SLC25A27: variants seen among roughly 807,000 people sequenced by gnomAD.
SLC25A27 encodes mitochondrial uncoupling protein 4.
Under a neutral mutation model 49.1 loss-of-function variants are expected in SLC25A27, and 35 were observed. The ratio of observed to expected loss-of-function variants is 0.71; its 90% CI spans 0.54 to 0.95. SLC25A27 has a LOEUF of 0.95. SLC25A27 is among the 40% of genes least tolerant of loss of function. The pLI is 0.00. For missense variants in SLC25A27, 339 were observed against 397.1 expected, an observed-to-expected ratio of 0.85 and a Z score of 1.24; for synonymous variants, 144 against 136.9, an observed-to-expected ratio of 1.05 and a Z score of -0.36.
intron 3 of SLC25A27, among the ~76,000 whole-genome samples, chr6:46,660,230 C>CTGTGTGTGTGTGTGTGTG (rs140354056): frequency 0.24 from 34,830 of 147,134 alleles, 4,343 homozygotes; most frequent in South Asian, 0.51. Flanking sequence ...ACCTCTGTGT[C>CTGTGTGTGTGTGTGTGTG]TGTGTGTGTG....
chr6:46,672,068 T>C (rs995682873), intron 8 of SLC25A27, among the ~76,000 whole-genome samples: 2 of 152,162 alleles, frequency 1.3e-5, no homozygotes, highest in African/African-American at 2.4e-5. Context: ...ATAAATGTTA[T>C]GGGAAGAGTG....
chr6:46,664,866 C>T lies in SLC25A27; in HGVS notation c.599C>T (p.Ala200Val). ...GGCTGGGTACCCAATATACAAAGAG[C>T]AGCACTGGTGAATATGGGAGGTAAT... ...WAGWVPNIQR[A>V]ALVNMGDLTT... The change falls in exon 5 of 9, where the codon GCA becomes GTA. Residue 200 changes from alanine (A) to valine (V), a missense_variant. Ala to Val is a moderately conservative substitution (Grantham distance 64). Transcript: ENST00000371347. The T allele has an allele frequency of 6.3e-7, 1 of 1,590,322 alleles. No homozygotes were observed. The highest frequency in any genetic ancestry group is 1.1e-5 in the South Asian group (1 of 87,280).
At chr6:46,664,647 A>T (rs1284168704) in intron 4 of SLC25A27, 127 bp from the exon 5 acceptor site, 2 of 484,510 alleles carry the variant, frequency 4.1e-6, no homozygotes, top group Admixed American at 7.8e-5. Flanking sequence ...ATTTCTAATA[A>T]TTCTGGATAA....
chr6:46,662,483 A>G lies in SLC25A27; in HGVS notation c.491A>G (p.Glu164Gly). Residue 164 changes from glutamate to glycine, a missense_variant, in exon 4 of 9, where the codon GAA (glutamate) becomes GGA (glycine). Glu to Gly is a moderately conservative substitution (Grantham distance 98). Transcript: ENST00000371347. ...CAAATGGAAGGAAAAAGGAAACTGG[A>G]AGGAAAACCATTGCGGTAAGTTCTC... Reference protein sequence around the residue: ...QMQMEGKRKLEGKPLRFRGVH... With the variant: ...QMQMEGKRKLGGKPLRFRGVH... 6.2e-7 allele frequency: 1 copy of G among 1,613,830 alleles called. No homozygotes were observed. Among genetic ancestry groups the G allele is most frequent in the Admixed American group, 1.7e-5 (1 of 59,958 alleles).
rs1028471884 is a variant in SLC25A27, at chr6:46,678,010, T to C, written c.*1556T>C. The C allele has an allele frequency of 3.7e-5, 5 of 133,374 alleles. No individual in the cohort carries two copies. The highest frequency in any genetic ancestry group is 5.6e-5 in the African/African-American group (2 of 35,932). 8.3% of individuals were successfully genotyped at this position (133,374 alleles called of 1,614,324 possible). A position where few individuals can be genotyped will look rare whatever the true frequency, so the allele number is the denominator to read the frequency against. On this transcript the variant is annotated 3_prime_UTR_variant, in exon 9 of 9. Coordinates refer to ENST00000371347, the MANE Select transcript of SLC25A27 (RefSeq NM_004277.5). ...TACTTTTTCATTGAATTTGTCAATA[T>C]GTAATTGCGTTGTAAAATATTATAT...
Position 46,670,458 on chromosome 6 carries a change from CTT to C in SLC25A27, c.797+233_797+234del, listed in dbSNP as rs199873839. ...TTTAGACACAAGATTTTTATTATGA[CTT>C]TATTGTTTTTAAAGAATTGTTAAAA... On this transcript the variant is annotated intron_variant, in intron 7 of 8. Coordinates refer to ENST00000371347, the MANE Select transcript of SLC25A27 (RefSeq NM_004277.5). The C allele has an allele frequency of 1.8e-3, 827 of 449,842 alleles. 7 individuals carry two copies. Among genetic ancestry groups the C allele is most frequent in the African/African-American group, 0.015 (748 of 48,328 alleles). 27.9% of individuals were successfully genotyped at this position (449,842 alleles called of 1,614,324 possible).
chr6:46,660,604 G>T (rs920044234), intron 3 of SLC25A27, among the ~76,000 whole-genome samples: 10 of 152,098 alleles, frequency 6.6e-5, no homozygotes, highest in Non-Finnish European at 1.3e-4. Context: ...AAGCAGTTAA[G>T]TAGGTTATGA....
Position 46,671,108 on chromosome 6 carries a change from A to C in SLC25A27, c.798-18A>C. 1 of 1,491,802 alleles carries C rather than the reference A, an allele frequency of 6.7e-7. No homozygotes were observed. The highest frequency in any genetic ancestry group is 9.2e-7 in the Non-Finnish European group (1 of 1,087,392). 92.4% of individuals were successfully genotyped at this position (1,491,802 alleles called of 1,614,324 possible). ...TTTTACACAGAAAAAAATTAAAAGGATCTTGTTTCCTTTTTAGGGGACTTT... is the reference window on the plus strand; with the variant it reads ...TTTTACACAGAAAAAAATTAAAAGGCTCTTGTTTCCTTTTTAGGGGACTTT... On this transcript the variant is annotated intron_variant, in intron 7 of 8. Coordinates refer to ENST00000371347, the MANE Select transcript of SLC25A27 (RefSeq NM_004277.5).
At chr6:46,661,239 T>G (rs943141421) in intron 3 of SLC25A27, among the ~76,000 whole-genome samples, 1 of 152,082 alleles carries the variant, frequency 6.6e-6, no homozygotes, top group African/African-American at 2.4e-5. Flanking sequence ...AGAAAAAATA[T>G]GATAATGTAT....
chr6:46,668,156 G>C (rs748113020), intron 5 of SLC25A27, among the ~76,000 whole-genome samples: 1 of 152,118 alleles, frequency 6.6e-6, no homozygotes, highest in African/African-American at 2.4e-5. Flanking sequence ...ACCAGCCTGG[G>C]TAATATAGTA....
In SLC25A27 at chr6:46,671,586, CA is replaced by C. The variant is rs566899122; in HGVS notation, c.900+367del. 3.5e-4 allele frequency among the ~76,000 whole-genome samples: 53 copies of C among 150,202 alleles called. No homozygotes were observed. The South Asian group carries it at 7.7e-3, about 22-fold the overall frequency. ...GATTTTACACTAGAGACCTCTCCTA[CA>C]AAAAAAAATACTGTTTCAAAAAAAT... On this transcript the variant is annotated intron_variant, in intron 8 of 8. Transcript: ENST00000371347.
chr6:46,653,600 C>A, intron 1 of SLC25A27: 1 of 985,428 alleles, frequency 1.0e-6, no homozygotes, highest in Non-Finnish European at 1.2e-6. Flanking sequence ...TTTTCCTTTT[C>A]ATGAGGATGA....
intron 6 of SLC25A27, 34 bp from the exon 7 acceptor site, chr6:46,670,101 A>G: frequency 7.1e-7 from 1 of 1,406,474 alleles, no homozygotes. Flanking sequence ...ACTACTACAT[A>G]CCATCTTTCA....
intron 5 of SLC25A27, among the ~76,000 whole-genome samples, chr6:46,668,076 G>A (rs1360484675): frequency 1.3e-5 from 2 of 152,130 alleles, no homozygotes; most frequent in African/African-American, 4.8e-5. Context: ...CAGGCGCGGC[G>A]GCTCATGCCT....
chr6:46,653,157 GAGA>G lies in SLC25A27; in HGVS notation c.-33_-31del, dbSNP rs532709618. 50 of 1,582,660 alleles carry G rather than the reference GAGA, an allele frequency of 3.2e-5. No homozygotes were observed. The highest frequency in any genetic ancestry group is 2.5e-4 in the East Asian group (11 of 44,490). On this transcript the variant is annotated 5_prime_UTR_variant, in exon 1 of 9. Coordinates refer to ENST00000371347, the MANE Select transcript of SLC25A27 (RefSeq NM_004277.5). ...CCGCGGCGCGGTGCAGCGCAGCGGC[GAGA>G]AGGAGTGCGTTATCGTCTTGCGCTA...
rs1172357267 is a variant in SLC25A27 at position 46,668,869 on chromosome 6, A to G, written c.704+76A>G. 5 of 853,572 alleles carry G rather than the reference A, an allele frequency of 5.9e-6. No homozygotes were observed. The Admixed American group carries it at 9.5e-5, about 16-fold the overall frequency. The allele number at this position is 853,572 out of a possible 1,614,324, so 52.9% of individuals were successfully genotyped here. A position where few individuals can be genotyped will look rare whatever the true frequency, so the allele number is the denominator to read the frequency against. ...CTTCCATATTTGACATAAATTCTTT[A>G]GGCTCATTTGATTGGGATTGTACTG... is the stretch of plus-strand genomic sequence containing the variant. On this transcript the variant is annotated intron_variant, in intron 6 of 8. Transcript: ENST00000371347.
At chr6:46,660,856 CT>C (rs1417860906) in intron 3 of SLC25A27, among the ~76,000 whole-genome samples, 1 of 152,120 alleles carries the variant, frequency 6.6e-6, no homozygotes, top group African/African-American at 2.4e-5. Flanking sequence ...ATTTATAGTC[CT>C]TGCGTTTTGG....
intron 7 of SLC25A27, 150 bp downstream of exon 7, chr6:46,670,377 C>T (rs1016786896): frequency 1.7e-5 from 10 of 585,850 alleles, no homozygotes; most frequent in Non-Finnish European, 2.7e-5. Context: ...ATTACCTGCT[C>T]TTTGATGAAA....
Position 46,653,114 on chromosome 6 carries a change from C to T in SLC25A27, c.-79C>T. 2 of 1,386,068 alleles carry T rather than the reference C, an allele frequency of 1.4e-6. No homozygotes were observed. The highest frequency in any genetic ancestry group is 2.0e-6 in the Non-Finnish European group (2 of 990,294). 85.9% of individuals were successfully genotyped at this position (1,386,068 alleles called of 1,614,324 possible). ...ACTCGCCGGTTGAAAAGGGGCCGCC[C>T]TGGCAGGGAAGCGGCCGCCGCGGCG... On this transcript the variant is annotated 5_prime_UTR_variant, in exon 1 of 9. Transcript: ENST00000371347.
Sources: allele counts gnomAD v4.1 joint callset (sites outside exome capture counted in the v4.1 genomes callset), GRCh38; gene constraint gnomAD v4.1.1; transcripts MANE v1.5; gene names NCBI Gene and HGNC (gene_info 2026-07-23, HGNC 2026-07-21).